PXDNL: variants seen among roughly 807,000 people sequenced by gnomAD.
PXDNL encodes probable oxidoreductase PXDNL.
Under a neutral mutation model 150.8 loss-of-function variants are expected in PXDNL, and 145 were observed. The ratio of observed to expected loss-of-function variants is 0.96; its 90% CI spans 0.84 to 1.10. The LOEUF is 1.10. Ranked by LOEUF, PXDNL falls within the 50% of genes least tolerant of loss-of-function variation. The pLI is 0.00. For synonymous variants in PXDNL, 757 were observed against 725.7 expected (o/e 1.04, Z -0.69); for missense variants, 2,087 against 1,873.9 (o/e 1.11, Z -2.10).
chr8:51,614,712 A>C (rs750255330), intron 2 of PXDNL, among the ~76,000 whole-genome samples: 16 of 152,112 alleles, frequency 1.1e-4, no homozygotes, highest in Non-Finnish European at 2.2e-4. Flanking sequence ...TATTATCTAC[A>C]AGTTTTATGA....
At chr8:51,403,083 C>A (rs1347019142) in intron 17 of PXDNL, among the ~76,000 whole-genome samples, 1 of 137,894 alleles carries the variant, frequency 7.3e-6, no homozygotes, top group Non-Finnish European at 1.5e-5. Context: ...GCCAAACTCC[C>A]TCTCCAAAAA....
chr8:51,734,181 T>C (rs1816989602), intron 1 of PXDNL, among the ~76,000 whole-genome samples: 2 of 152,168 alleles, frequency 1.3e-5, no homozygotes, highest in African/African-American at 4.8e-5. Flanking sequence ...TGGATAATTA[T>C]TTTAGGACTT....
chr8:51,491,235 A>C (rs920837487), intron 5 of PXDNL, among the ~76,000 whole-genome samples: 2 of 152,108 alleles, frequency 1.3e-5, no homozygotes, highest in African/African-American at 4.8e-5. Flanking sequence ...AATGTAAGTT[A>C]ATATCCCTTA....
intron 6 of PXDNL, among the ~76,000 whole-genome samples, chr8:51,480,657 C>T (rs953467743): frequency 6.6e-6 from 1 of 152,180 alleles, no homozygotes. Flanking sequence ...AAAATCCCTA[C>T]ATGTCAAGGG....
rs118139384 is a variant in PXDNL at position 51,688,487 on chromosome 8, A to G, written c.165-33727T>C. Among the ~76,000 whole-genome samples the G allele has an allele frequency of 2.4e-4, 37 of 152,334 alleles. No individual in the cohort carries two copies. The East Asian group carries it at 7.1e-3, about 29-fold the overall frequency. On this transcript the variant is annotated intron_variant, in intron 1 of 22. Coordinates refer to ENST00000356297, the MANE Select transcript of PXDNL (RefSeq NM_144651.5). ...TATGGAGGCAGGTCTGGGTTCAATGATAAGAAAGTTGAACAAACACAATTT... is the reference window on the plus strand; with the variant it reads ...TATGGAGGCAGGTCTGGGTTCAATGGTAAGAAAGTTGAACAAACACAATTT...
At position 51,437,146 on chromosome 8, in the gene PXDNL, C is replaced by A. The variant is rs1809426702; in HGVS notation, c.1525+9858G>T. ...AATATACAACCTTCCTAGATTAAAC[C>A]AGGAAGAAATAGAAACTCTGAACAG... is the stretch of plus-strand genomic sequence containing the variant. On this transcript the variant is annotated intron_variant, in intron 12 of 22. Transcript: ENST00000356297. 2.6e-5 allele frequency among the ~76,000 whole-genome samples: 4 copies of A among 152,050 alleles called. No individual in the cohort carries two copies. The South Asian group carries it at 8.3e-4, about 32-fold the overall frequency.
In PXDNL at chr8:51,409,327, C is replaced by T. The variant is rs753755918; in HGVS notation, c.2297G>A (p.Gly766Glu). Residue 766 changes from glycine to glutamate, a missense_variant, in exon 17 of 23, where the codon GGG becomes GAG. By Grantham distance (98) the Gly-to-Glu change is moderately conservative. Coordinates refer to ENST00000356297, the MANE Select transcript of PXDNL (RefSeq NM_144651.5). ...GCGGGAGCCCACAGGAAGGCCGAGC[C>T]CGCGGGGCGCGCGGATGCCGTCCCG... ...AYRDGIRAPR[G>E]LGLPVGSRQP... is the part of the protein sequence containing the mutation. The T allele has an allele frequency of 7.6e-6, 11 of 1,440,286 alleles. No individual in the cohort carries two copies. The African/African-American group carries it at 1.6e-4, about 21-fold the overall frequency. 89.2% of individuals were successfully genotyped at this position (1,440,286 alleles called of 1,614,324 possible). A position where few individuals can be genotyped will look rare whatever the true frequency, so the allele number is the denominator to read the frequency against.
chr8:51,495,508 A>G (rs1471799716), intron 5 of PXDNL, among the ~76,000 whole-genome samples: 2 of 152,196 alleles, frequency 1.3e-5, no homozygotes, highest in Non-Finnish European at 2.9e-5. Context: ...TTTTGAAAAG[A>G]TCAACAAAAT....
At chr8:51,709,098 G>C (rs1816442888) in intron 1 of PXDNL, among the ~76,000 whole-genome samples, 1 of 152,106 alleles carries the variant, frequency 6.6e-6, no homozygotes, top group Non-Finnish European at 1.5e-5. Flanking sequence ...TAGAAGTGTG[G>C]TAAGCCTCAT....
intron 8 of PXDNL, among the ~76,000 whole-genome samples, chr8:51,468,152 T>G (rs1470701084): frequency 6.6e-6 from 1 of 152,026 alleles, no homozygotes; most frequent in Non-Finnish European, 1.5e-5. Flanking sequence ...TTGTATGTAG[T>G]AGATATCATC....
chr8:51,676,236 C>A (rs73678945), intron 1 of PXDNL, among the ~76,000 whole-genome samples: 4,609 of 152,094 alleles, frequency 0.03, 256 homozygotes, highest in African/African-American at 0.11. Flanking sequence ...GCCATTTGCT[C>A]TCTGATGAGT....
At chr8:51,658,383 G>GAAAAAAAAAGA (rs11387006) in intron 1 of PXDNL, among the ~76,000 whole-genome samples, 1 of 143,440 alleles carries the variant, frequency 7.0e-6, no homozygotes, top group South Asian at 2.2e-4. Context: ...GAAAAAAAAA[G>GAAAAAAAAAGA]AAAAAAAAGT....
intron 21 of PXDNL, among the ~76,000 whole-genome samples, chr8:51,325,368 C>T (rs907283166): frequency 3.3e-5 from 5 of 152,150 alleles, no homozygotes; most frequent in African/African-American, 1.2e-4. Context: ...GAAGAGGGGT[C>T]CCACATCATT....
At chr8:51,435,234 T>A (rs1472964353) in intron 12 of PXDNL, among the ~76,000 whole-genome samples, 1 of 151,862 alleles carries the variant, frequency 6.6e-6, no homozygotes, top group Non-Finnish European at 1.5e-5. Flanking sequence ...GGCAGGAGAA[T>A]CACTTGAACC....
At chr8:51,761,673 C>T (rs2037168006) in intron 1 of PXDNL, among the ~76,000 whole-genome samples, 1 of 152,138 alleles carries the variant, frequency 6.6e-6, no homozygotes, top group Non-Finnish European at 1.5e-5. Flanking sequence ...GTACTTCCAC[C>T]TGTGATGACT....
At chr8:51,321,903 G>A (rs1292498322) in intron 21 of PXDNL, among the ~76,000 whole-genome samples, 2 of 152,194 alleles carry the variant, frequency 1.3e-5, no homozygotes, top group East Asian at 1.9e-4. Flanking sequence ...AAATTCATAA[G>A]TTGAAGCCGT....
intron 4 of PXDNL, among the ~76,000 whole-genome samples, chr8:51,528,496 C>T (rs934212038): frequency 6.6e-6 from 1 of 152,098 alleles, no homozygotes; most frequent in African/African-American, 2.4e-5. Flanking sequence ...TATAGACAGC[C>T]CCTCAAAGAT....
intron 1 of PXDNL, among the ~76,000 whole-genome samples, chr8:51,713,561 A>T (rs192903810): frequency 6.6e-4 from 101 of 152,362 alleles, no homozygotes; most frequent in African/African-American, 2.0e-3. Context: ...TAATCTGAAG[A>T]TAAAACCACA....
intron 1 of PXDNL, among the ~76,000 whole-genome samples, chr8:51,673,288 C>T (rs533340175): frequency 6.6e-6 from 1 of 152,108 alleles, no homozygotes; most frequent in Non-Finnish European, 1.5e-5. Context: ...TTTATAAGCA[C>T]ATATAGGAAA....
Sources: gnomAD v4.1 joint callset for allele counts (sites outside exome capture counted in the v4.1 genomes callset) on GRCh38, gnomAD v4.1.1 for gene constraint, MANE v1.5 for transcripts, NCBI Gene and HGNC (gene_info 2026-07-23, HGNC 2026-07-21) for gene names.